Variants in SLC14A2 observed in about 807,000 individuals in gnomAD.
The protein encoded by SLC14A2 is solute carrier family 14 member 2, also known as urea transporter 2.
Under a neutral mutation model 104.6 loss-of-function variants are expected in SLC14A2, and 91 were observed. That is an observed-to-expected ratio of 0.87 (90% CI 0.73 to 1.04). The LOEUF (loss-of-function observed/expected upper bound fraction) is 1.04. Ranked by LOEUF, SLC14A2 falls within the 50% of genes least tolerant of loss-of-function variation. The probability of loss-of-function intolerance (pLI) is 0.00; values close to 1 mark genes in which losing one functional copy is unlikely to be tolerated. For missense variants in SLC14A2, 1,189 were observed against 1,156.0 expected (o/e 1.03, Z -0.41); for synonymous variants, 476 against 466.4 (o/e 1.02, Z -0.27).
intron 1 of SLC14A2, among the ~76,000 whole-genome samples, chr18:45,421,753 G>A (rs1189265353): frequency 2.0e-5 from 3 of 152,248 alleles, no homozygotes; most frequent in Non-Finnish European, 2.9e-5. Context: ...TGACCTACAC[G>A]ACCTCTGAAG....
intron 1 of SLC14A2, among the ~76,000 whole-genome samples, chr18:45,362,960 A>C (rs1001984762): frequency 6.6e-6 from 1 of 152,104 alleles, no homozygotes; most frequent in Non-Finnish European, 1.5e-5. Flanking sequence ...GGGGGGTACC[A>C]GCTTGACAAC....
rs146309685 is a variant in SLC14A2 at position 45,239,147 on chromosome 18, G to T, written c.-125+25956G>T. ...ACCTGCTAGTGAATCCACTCTTTAG[G>T]TTCTAGGGCGGCTCCTCCCAGATCC... On this transcript the variant is annotated intron_variant, in intron 1 of 20. Transcript: ENST00000586448. Among the ~76,000 whole-genome samples the T allele has an allele frequency of 6.3e-3, 965 of 152,102 alleles. 20 individuals are homozygous for T. The highest frequency in any genetic ancestry group is 0.022 in the African/African-American group (914 of 41,488).
chr18:45,590,549 TG>T (rs2044633398), intron 2 of SLC14A2, among the ~76,000 whole-genome samples: 1 of 152,178 alleles, frequency 6.6e-6, no homozygotes, highest in South Asian at 2.1e-4. Context: ...CTCACGTGTG[TG>T]TACAGAGTTT....
the SLC14A2 span, among the ~76,000 whole-genome samples, chr18:45,197,939 G>A: frequency 6.6e-6 from 1 of 152,104 alleles, no homozygotes; most frequent in Non-Finnish European, 1.5e-5. Flanking sequence ...AAAGCTCGTA[G>A]GAACTTTCAA....
At chr18:45,641,382 C>G (rs371660316) in intron 8 of SLC14A2, 39 bp downstream of exon 8, 1 of 1,610,946 alleles carries the variant, frequency 6.2e-7, no homozygotes, top group Non-Finnish European at 8.5e-7. Context: ...GTTATTCTGG[C>G]TATTCCTTCC....
intron 2 of SLC14A2, among the ~76,000 whole-genome samples, chr18:45,530,421 A>G (rs80042510): frequency 0.036 from 5,493 of 152,208 alleles, 328 homozygotes; most frequent in African/African-American, 0.12. Context: ...ACATAGAAAT[A>G]TCCTTGTATT....
intron 2 of SLC14A2, among the ~76,000 whole-genome samples, chr18:45,571,977 C>T (rs1431407853): frequency 6.6e-6 from 1 of 152,144 alleles, no homozygotes; most frequent in African/African-American, 2.4e-5. Flanking sequence ...GCTTTTAAAA[C>T]AGTGCATAGA....
intron 2 of SLC14A2, among the ~76,000 whole-genome samples, chr18:45,588,854 G>A (rs1352377281): frequency 6.6e-6 from 1 of 152,170 alleles, no homozygotes; most frequent in Non-Finnish European, 1.5e-5. Flanking sequence ...TTCTTTTACA[G>A]CAAAGGGAAA....
intron 1 of SLC14A2, among the ~76,000 whole-genome samples, chr18:45,387,019 G>T (rs1485120985): frequency 6.6e-6 from 1 of 152,186 alleles, no homozygotes; most frequent in African/African-American, 2.4e-5. Context: ...GGCTTAAACT[G>T]TTTCTGGAGT....
At chr18:45,390,141 C>T (rs1015059990) in intron 1 of SLC14A2, among the ~76,000 whole-genome samples, 6 of 152,160 alleles carry the variant, frequency 3.9e-5, no homozygotes, top group Admixed American at 2.0e-4. Context: ...TCTGCCTGCA[C>T]GCAAGGCTGC....
chr18:45,582,848 C>G (rs1481627041), intron 2 of SLC14A2, among the ~76,000 whole-genome samples: 1 of 152,158 alleles, frequency 6.6e-6, no homozygotes, highest in Non-Finnish European at 1.5e-5. Flanking sequence ...CCCTTAGGAA[C>G]ACTCCAGATG....
At chr18:45,544,759 G>A (rs1357616457) in intron 2 of SLC14A2, among the ~76,000 whole-genome samples, 1 of 140,808 alleles carries the variant, frequency 7.1e-6, no homozygotes, top group Non-Finnish European at 1.5e-5. Flanking sequence ...GTATTCATGT[G>A]ATTATATATA....
chr18:45,315,509 T>C (rs1020121059), intron 1 of SLC14A2, among the ~76,000 whole-genome samples: 6 of 152,150 alleles, frequency 3.9e-5, no homozygotes, highest in Admixed American at 1.3e-4. Flanking sequence ...GGAGCCTGAT[T>C]AGACAGGTAA....
rs2046276472 is a variant in SLC14A2 at position 45,679,176 on chromosome 18, AG to A, written c.2562+154del. 4.5e-6 allele frequency: 3 copies of A among 665,622 alleles called. No individual in the cohort carries two copies. The Admixed American group carries it at 9.1e-5, about 20-fold the overall frequency. The allele number at this position is 665,622 out of a possible 1,614,324, so 41.2% of individuals were successfully genotyped here. A position where few individuals can be genotyped will look rare whatever the true frequency, so the allele number is the denominator to read the frequency against. ...CACACTACTCACTTCAGCACCTGCT[AG>A]GCAGAGGGAGCCAGGCCCCAAAAGT... On this transcript the variant is annotated intron_variant, in intron 19 of 19. Transcript: ENST00000255226.
At chr18:45,207,323 A>G in the SLC14A2 span, among the ~76,000 whole-genome samples, 1 of 146,956 alleles carries the variant, frequency 6.8e-6, no homozygotes, top group Non-Finnish European at 1.5e-5. Context: ...GAAGGGAAAA[A>G]GGGGGAAGAA....
the SLC14A2 span, among the ~76,000 whole-genome samples, chr18:45,194,020 G>C: frequency 6.6e-6 from 1 of 152,146 alleles, no homozygotes; most frequent in Non-Finnish European, 1.5e-5. Flanking sequence ...TTTGGTAATA[G>C]ATAGAAATGC....
intron 1 of SLC14A2, among the ~76,000 whole-genome samples, chr18:45,392,260 C>T (rs1028331197): frequency 1.3e-5 from 2 of 152,186 alleles, no homozygotes; most frequent in African/African-American, 4.8e-5. Flanking sequence ...ACACATGCTT[C>T]TCCCCTATGC....
At chr18:45,494,439 C>G (rs765215295) in intron 2 of SLC14A2, among the ~76,000 whole-genome samples, 12 of 152,196 alleles carry the variant, frequency 7.9e-5, no homozygotes, top group Non-Finnish European at 4.4e-5. Flanking sequence ...ACTCTGTCAC[C>G]CAGGCTGGAG....
At chr18:45,223,046 C>T (rs759112870) in intron 1 of SLC14A2, among the ~76,000 whole-genome samples, 65 of 152,186 alleles carry the variant, frequency 4.3e-4, no homozygotes, top group Non-Finnish European at 5.6e-4. Context: ...ACCATCATGG[C>T]CAACAGAACT....
Sources: gnomAD v4.1 joint callset for allele counts (sites outside exome capture counted in the v4.1 genomes callset) on GRCh38, gnomAD v4.1.1 for gene constraint, MANE v1.5 for transcripts, NCBI Gene and HGNC (gene_info 2026-07-23, HGNC 2026-07-21) for gene names.